Variants in NELL2 observed in about 807,000 individuals in gnomAD.
The protein encoded by NELL2 is protein kinase C-binding protein NELL2.
Under a neutral mutation model 109.6 loss-of-function variants are expected in NELL2, and 41 were observed. The ratio of observed to expected loss-of-function variants is 0.37; its 90% CI spans 0.29 to 0.49. The LOEUF is 0.49. Among genes scored for constraint, NELL2 ranks in the 20% least tolerant of loss-of-function variants. The pLI is 0.98. For missense variants in NELL2, 900 were observed against 1,008.3 expected (o/e 0.89, Z 1.45); for synonymous variants, 355 against 344.7 (o/e 1.03, Z -0.33).
intron 12 of NELL2, among the ~76,000 whole-genome samples, chr12:44,686,775 C>T (rs1184445636): frequency 6.6e-6 from 1 of 152,188 alleles, no homozygotes; most frequent in African/African-American, 2.4e-5. Flanking sequence ...TGTCCGTTCT[C>T]AGATCTCCAG....
chr12:44,736,928 A>G (rs1024495681), intron 9 of NELL2, among the ~76,000 whole-genome samples: 6 of 152,038 alleles, frequency 3.9e-5, no homozygotes, highest in Admixed American at 6.6e-5. Context: ...TATTTTATAA[A>G]TGTATGCATT....
At chr12:44,914,635 T>C (rs891091044), upstream of NELL2, among the ~76,000 whole-genome samples, 5 of 152,182 alleles carry the variant, frequency 3.3e-5, no homozygotes, top group Non-Finnish European at 7.3e-5. Context: ...TTCTCTGTTT[T>C]ATTCTCTGAT....
intron 9 of NELL2, among the ~76,000 whole-genome samples, chr12:44,721,616 CTT>C: frequency 6.7e-6 from 1 of 150,038 alleles, no homozygotes; most frequent in Non-Finnish European, 1.5e-5. Context: ...CTTTGTGTAA[CTT>C]TTTTTTTTCA....
chr12:44,879,405 A>T (rs1945385917), upstream of NELL2, among the ~76,000 whole-genome samples: 1 of 150,762 alleles, frequency 6.6e-6, no homozygotes, highest in Admixed American at 6.6e-5. Context: ...AGTTCAGTAA[A>T]CATGGTTGAC....
chr12:44,761,962 G>T (rs1566333679), intron 9 of NELL2, among the ~76,000 whole-genome samples: 1 of 152,072 alleles, frequency 6.6e-6, no homozygotes, highest in African/African-American at 2.4e-5. Flanking sequence ...CACACTAAAA[G>T]CTGAAACTTC....
At chr12:44,921,683 G>C (rs1945869082) in intron 1 of NELL2, 1 of 152,142 alleles carries the variant, frequency 6.6e-6, no homozygotes, top group Admixed American at 6.6e-5. Context: ...GACACAAGGT[G>C]GTGTTTGATA....
chr12:44,608,965 A>G (rs532448247), intron 14 of NELL2, among the ~76,000 whole-genome samples: 2 of 151,368 alleles, frequency 1.3e-5, no homozygotes, highest in African/African-American at 2.4e-5. Context: ...AGTTTAAAGT[A>G]TAAGTTATGC....
upstream of NELL2, among the ~76,000 whole-genome samples, chr12:44,880,114 T>TACAC (rs747220208): frequency 0.16 from 21,870 of 136,656 alleles, 1,874 homozygotes; most frequent in East Asian, 0.36. Context: ...TCAAGAAACA[T>TACAC]ACACACACAC....
intron 12 of NELL2, among the ~76,000 whole-genome samples, chr12:44,689,499 T>C (rs895515386): frequency 6.6e-5 from 10 of 152,184 alleles, no homozygotes; most frequent in African/African-American, 1.4e-4. Flanking sequence ...TCTCTCACCA[T>C]AGAGTGTTGA....
chr12:44,707,094 A>G (rs1474607904), intron 11 of NELL2, among the ~76,000 whole-genome samples: 7 of 152,210 alleles, frequency 4.6e-5, no homozygotes, highest in Admixed American at 3.9e-4. Context: ...GTTTTTGTGG[A>G]AAAAAAGAAT....
chr12:44,668,313 C>G (rs1566121674), intron 12 of NELL2, among the ~76,000 whole-genome samples: 1 of 152,140 alleles, frequency 6.6e-6, no homozygotes, highest in Non-Finnish European at 1.5e-5. Flanking sequence ...CTGCCAATGA[C>G]AACGATCCTG....
intron 15 of NELL2, among the ~76,000 whole-genome samples, chr12:44,542,671 G>A (rs574449501): frequency 4.6e-5 from 7 of 152,292 alleles, no homozygotes; most frequent in African/African-American, 1.7e-4. Context: ...AAAGCCTGGT[G>A]AAGAATGTAA....
At chr12:44,693,033 A>G (rs1169098845) in intron 12 of NELL2, among the ~76,000 whole-genome samples, 1 of 152,200 alleles carries the variant, frequency 6.6e-6, no homozygotes, top group Non-Finnish European at 1.5e-5. Flanking sequence ...TCTACTGTAG[A>G]TAAGATGCTA....
intron 9 of NELL2, among the ~76,000 whole-genome samples, chr12:44,744,447 T>A (rs539659132): frequency 0.013 from 1,979 of 148,976 alleles, 37 homozygotes; most frequent in African/African-American, 0.042. Flanking sequence ...AAATAACTAA[T>A]ATCAGAGCAG....
chr12:44,903,094 C>T (rs905367307), intron 1 of NELL2, among the ~76,000 whole-genome samples: 4 of 152,160 alleles, frequency 2.6e-5, no homozygotes, highest in African/African-American at 9.7e-5. Flanking sequence ...AATAAACTAT[C>T]ATCAGAGTGA....
At position 44,559,668 on chromosome 12, in the gene NELL2, G is replaced by A. The variant is rs555212586; in HGVS notation, c.1664-26947C>T. ...TATGCACCCAATACAGGAGCACCCAGATTCATACAGCAAGTCCTTAGAGAC... is the reference window on the plus strand; with the variant it reads ...TATGCACCCAATACAGGAGCACCCAAATTCATACAGCAAGTCCTTAGAGAC... On this transcript the variant is annotated intron_variant, in intron 15 of 19. Coordinates refer to ENST00000429094, the MANE Select transcript of NELL2 (RefSeq NM_001145108.2). Among the ~76,000 whole-genome samples the A allele has an allele frequency of 1.0e-3, 159 of 152,288 alleles. 1 individual carries two copies. Among genetic ancestry groups the A allele is most frequent in the African/African-American group, 3.5e-3 (147 of 41,566 alleles).
At chr12:44,529,846 T>C (rs1941961581) in intron 16 of NELL2, among the ~76,000 whole-genome samples, 1 of 152,134 alleles carries the variant, frequency 6.6e-6, no homozygotes, top group Non-Finnish European at 1.5e-5. Flanking sequence ...GTATTGAAAA[T>C]ATTTTCAAGG....
At chr12:44,527,987 G>A (rs1394745434) in intron 16 of NELL2, among the ~76,000 whole-genome samples, 1 of 150,980 alleles carries the variant, frequency 6.6e-6, no homozygotes, top group Non-Finnish European at 1.5e-5. Flanking sequence ...CCAGCTACTC[G>A]GGAGGCTGAG....
At chr12:44,810,362 C>T (rs1237082171) in intron 3 of NELL2, among the ~76,000 whole-genome samples, 2 of 152,060 alleles carry the variant, frequency 1.3e-5, no homozygotes, top group African/African-American at 2.4e-5. Context: ...GAGAAAGCTG[C>T]ATTCCACAGC....
Sources: gnomAD v4.1 joint callset for allele counts (sites outside exome capture counted in the v4.1 genomes callset) on GRCh38, gnomAD v4.1.1 for gene constraint, MANE v1.5 for transcripts, NCBI Gene and HGNC (gene_info 2026-07-23, HGNC 2026-07-21) for gene names.